TENM2: variants seen among roughly 807,000 people sequenced by gnomAD.
TENM2 encodes the protein teneurin transmembrane protein 2.
Under a neutral mutation model 245.2 loss-of-function variants are expected in TENM2, and 52 were observed. The observed-to-expected ratio is 0.21, with a 90% CI of 0.17 to 0.27. The LOEUF (loss-of-function observed/expected upper bound fraction) is 0.27, where lower values mean the gene tolerates loss of function less well. Among genes scored for constraint, TENM2 ranks in the 10% least tolerant of loss-of-function variants. The probability of loss-of-function intolerance (pLI) is 1.00; values close to 1 mark genes in which losing one functional copy is unlikely to be tolerated. For missense variants in TENM2, 3,046 were observed against 3,666.8 expected (o/e 0.83, Z 4.37); for synonymous variants, 1,363 against 1,438.9 (o/e 0.95, Z 1.19).
chr5:168,066,844 G>C (rs140290052), intron 7 of TENM2, among the ~76,000 whole-genome samples: 3 of 152,152 alleles, frequency 2.0e-5, no homozygotes, highest in East Asian at 1.9e-4. Context: ...GTTCTAGAAA[G>C]GTAACAGACA....
chr5:168,206,242 C>T (rs1762336804), intron 19 of TENM2, among the ~76,000 whole-genome samples: 1 of 152,222 alleles, frequency 6.6e-6, no homozygotes, highest in Admixed American at 6.5e-5. Context: ...GCAACTGCTG[C>T]TGAGCATTCT....
rs185225477 is a variant in TENM2, at chr5:167,546,092, C to A, written c.502+170619C>A. ...CATTTTATAGATGGAGTACATGAGACCCAGAGAAATTAAATAACTTCTCCA... is the reference window on the plus strand; with the variant it reads ...CATTTTATAGATGGAGTACATGAGAACCAGAGAAATTAAATAACTTCTCCA... On this transcript the variant is annotated intron_variant, in intron 2 of 28. Coordinates refer to ENST00000518659, the Ensembl canonical transcript of TENM2. Among the ~76,000 whole-genome samples the A allele has an allele frequency of 2.4e-3, 370 of 152,210 alleles. 3 individuals are homozygous for A. Among genetic ancestry groups the A allele is most frequent in the African/African-American group, 8.5e-3 (353 of 41,526 alleles).
intron 9 of TENM2, among the ~76,000 whole-genome samples, chr5:168,099,287 A>T (rs1263853651): frequency 2.0e-5 from 3 of 152,130 alleles, no homozygotes; most frequent in Admixed American, 6.5e-5. Flanking sequence ...AGTTTGAAAA[A>T]TAGTGAAGGG....
chr5:167,402,480 A>G (rs1163061198), intron 2 of TENM2, among the ~76,000 whole-genome samples: 1 of 152,138 alleles, frequency 6.6e-6, no homozygotes, highest in Non-Finnish European at 1.5e-5. Flanking sequence ...ACATGTATCA[A>G]GTATGGATAT....
At chr5:168,125,124 G>A in intron 11 of TENM2, 74 bp downstream of exon 13, 1 of 1,302,794 alleles carries the variant, frequency 7.7e-7, no homozygotes, top group Non-Finnish European at 1.1e-6. Context: ...CAGATGGATG[G>A]GAATCTACTC....
the TENM2 span, among the ~76,000 whole-genome samples, chr5:167,160,432 A>G: frequency 7.4e-3 from 1,134 of 152,346 alleles, 15 homozygotes; most frequent in African/African-American, 0.025. Flanking sequence ...CTCTTCCAAC[A>G]AGATGAAGGA....
At chr5:167,887,575 G>A (rs11134477) in intron 3 of TENM2, among the ~76,000 whole-genome samples, 71,240 of 152,094 alleles carry the variant, frequency 0.47, 18,031 homozygotes, top group Non-Finnish European at 0.56. Flanking sequence ...TCTAACCTGC[G>A]TCTTCCTTGG....
intron 7 of TENM2, among the ~76,000 whole-genome samples, chr5:168,070,132 T>A (rs182998283): frequency 3.3e-4 from 50 of 152,336 alleles, no homozygotes; most frequent in African/African-American, 1.0e-3. Context: ...AAAATGCTCC[T>A]CTTTTGACAT....
intron 2 of TENM2, among the ~76,000 whole-genome samples, chr5:167,539,304 A>T (rs1368417309): frequency 1.3e-5 from 2 of 152,314 alleles, no homozygotes; most frequent in African/African-American, 4.8e-5. Context: ...TGTGAATTTG[A>T]AGCACTGAAA....
chr5:168,242,722 G>C (rs1766206610), intron 25 of TENM2, among the ~76,000 whole-genome samples: 1 of 152,212 alleles, frequency 6.6e-6, no homozygotes. Context: ...GGAGGACAAG[G>C]TGGGTGGATC....
At chr5:167,746,257 A>G (rs932394710) in intron 2 of TENM2, among the ~76,000 whole-genome samples, 2 of 152,192 alleles carry the variant, frequency 1.3e-5, no homozygotes, top group African/African-American at 4.8e-5. Flanking sequence ...CCCTACAGCC[A>G]TACTAGGGAG....
At chr5:167,114,514 G>A in the TENM2 span, among the ~76,000 whole-genome samples, 14 of 152,144 alleles carry the variant, frequency 9.2e-5, no homozygotes, top group South Asian at 8.3e-4. Flanking sequence ...TTAACTATGC[G>A]AATTTATCTC....
At chr5:167,532,740 A>T (rs1362500726) in intron 2 of TENM2, among the ~76,000 whole-genome samples, 1 of 150,970 alleles carries the variant, frequency 6.6e-6, no homozygotes, top group Non-Finnish European at 1.5e-5. Flanking sequence ...ATATATACAC[A>T]CACCCATATA....
intron 2 of TENM2, among the ~76,000 whole-genome samples, chr5:167,510,651 AAG>A (rs1446732450): frequency 1.3e-5 from 2 of 152,048 alleles, no homozygotes; most frequent in Non-Finnish European, 2.9e-5. Context: ...GAAGGAAGGA[AAG>A]AAAGAGAAAG....
rs1234508322 is a variant in TENM2 at position 168,250,133 on chromosome 5, T to C, written c.7432+1762T>C. ...ATGGATGGATGGATGGATGGATGGA[T>C]GGATGGATGGATGGATGGATGGATG... On this transcript the variant is annotated intron_variant, in intron 27 of 28. Transcript: ENST00000518659. Among the ~76,000 whole-genome samples the C allele has an allele frequency of 2.0e-5, 3 of 149,444 alleles. No homozygotes were observed. The South Asian group carries it at 6.4e-4, about 32-fold the overall frequency.
At chr5:167,829,895 C>G (rs1549151) in intron 2 of TENM2, among the ~76,000 whole-genome samples, 2 of 152,050 alleles carry the variant, frequency 1.3e-5, no homozygotes, top group African/African-American at 4.8e-5. Flanking sequence ...ACCTTCAGAG[C>G]GTCAGTGAAG....
intron 2 of TENM2, among the ~76,000 whole-genome samples, chr5:167,663,172 G>GAA (rs1160019437): frequency 2.7e-5 from 4 of 150,538 alleles, no homozygotes; most frequent in African/African-American, 9.8e-5. Flanking sequence ...GAGAGAGAGA[G>GAA]AGAGAGAGAG....
At chr5:166,990,620 C>T in the TENM2 span, among the ~76,000 whole-genome samples, 3 of 151,842 alleles carry the variant, frequency 2.0e-5, no homozygotes, top group Non-Finnish European at 2.9e-5. Flanking sequence ...GGTTTTTTAC[C>T]GACTAATAGC....
intron 12 of TENM2, among the ~76,000 whole-genome samples, chr5:168,150,416 T>G (rs1047654611): frequency 1.4e-4 from 22 of 152,330 alleles, no homozygotes; most frequent in African/African-American, 4.3e-4. Context: ...GCCAACACTC[T>G]TGACAGGGAG....
Sources: gnomAD v4.1 joint callset for allele counts (sites outside exome capture counted in the v4.1 genomes callset) on GRCh38, gnomAD v4.1.1 for gene constraint, MANE v1.5 for transcripts, NCBI Gene and HGNC (gene_info 2026-07-23, HGNC 2026-07-21) for gene names.